Variants in FNIP2 observed in about 807,000 individuals in gnomAD.
FNIP2 encodes folliculin-interacting protein 2.
FNIP2 carries 32 observed loss-of-function variants against 108.7 expected under a neutral mutation model. The ratio of observed to expected loss-of-function variants is 0.29; its 90% CI spans 0.22 to 0.40. FNIP2 has a LOEUF of 0.40. Ranked by LOEUF, FNIP2 falls within the 10% of genes least tolerant of loss-of-function variation. The pLI is 1.00. For synonymous variants in FNIP2, 480 were observed against 496.7 expected, an observed-to-expected ratio of 0.97 and a Z score of 0.45; for missense variants, 1,202 against 1,381.6, an observed-to-expected ratio of 0.87 and a Z score of 2.06.
intron 1 of FNIP2, chr4:158,806,306 G>C (rs1292051620): frequency 4.7e-6 from 6 of 1,289,292 alleles, no homozygotes; most frequent in East Asian, 1.1e-4. Context: ...GACTCTGCCA[G>C]ATGTGTGAGT....
At chr4:158,874,118 T>C (rs960591713) in intron 14 of FNIP2, among the ~76,000 whole-genome samples, 1 of 152,210 alleles carries the variant, frequency 6.6e-6, no homozygotes, top group African/African-American at 2.4e-5. Flanking sequence ...TAATCTTAGG[T>C]AAATAAACTG....
intron 1 of FNIP2, among the ~76,000 whole-genome samples, chr4:158,774,859 C>T (rs1318310426): frequency 6.6e-6 from 1 of 152,132 alleles, no homozygotes; most frequent in Non-Finnish European, 1.5e-5. Context: ...GTTTTAAAAG[C>T]TAAAACATGT....
In FNIP2 at chr4:158,829,198, T is replaced by C; in HGVS notation, c.354T>C (p.His118=). The C allele has an allele frequency of 6.2e-7, 1 of 1,612,714 alleles. No individual in the cohort carries two copies. The change falls in exon 3 of 17, where the codon CAT becomes CAC. Residue 118 remains histidine (H), a synonymous_variant. Coordinates refer to ENST00000264433, the MANE Select transcript of FNIP2 (RefSeq NM_020840.3). ...SHSSSGGSSH[H]AKEQLPKYQY... ...GTTCTTCTGGGGGATCTTCACATCA[T>C]GCTAAGGAACAGCTTCCAAAGTACC...
chr4:158,815,272 C>T (rs1478941526), intron 1 of FNIP2, among the ~76,000 whole-genome samples: 1 of 152,152 alleles, frequency 6.6e-6, no homozygotes, highest in Non-Finnish European at 1.5e-5. Flanking sequence ...CTCCTTCTCA[C>T]TATGCTGTTT....
At chr4:158,897,437 A>C (rs1782794098) in intron 16 of FNIP2, among the ~76,000 whole-genome samples, 2 of 152,176 alleles carry the variant, frequency 1.3e-5, no homozygotes, top group African/African-American at 4.8e-5. Context: ...ACAGTGATTG[A>C]ACTAATTTAG....
intron 1 of FNIP2, chr4:158,806,479 G>A (rs1776965045): frequency 8.6e-7 from 1 of 1,157,510 alleles, no homozygotes; most frequent in African/African-American, 1.6e-5. Context: ...AATTTACTGT[G>A]TAGTAAGGAG....
At chr4:158,816,509 G>A (rs199617010) in intron 1 of FNIP2, among the ~76,000 whole-genome samples, 2 of 152,150 alleles carry the variant, frequency 1.3e-5, no homozygotes, top group African/African-American at 2.4e-5. Context: ...TCGGCCAGGC[G>A]CAGTGGCTCA....
intron 14 of FNIP2, among the ~76,000 whole-genome samples, chr4:158,874,972 A>G (rs1054210007): frequency 4.0e-5 from 6 of 151,376 alleles, no homozygotes; most frequent in Non-Finnish European, 8.8e-5. Context: ...CTGTAGTCCC[A>G]GCTACTTGGG....
chr4:158,805,413 A>C (rs1388997373), intron 1 of FNIP2, among the ~76,000 whole-genome samples: 2 of 152,246 alleles, frequency 1.3e-5, no homozygotes, highest in African/African-American at 4.8e-5. Context: ...GATGAAGAAT[A>C]TTAGTGTCAG....
At chr4:158,784,785 C>T (rs1378583077) in intron 1 of FNIP2, among the ~76,000 whole-genome samples, 5 of 152,174 alleles carry the variant, frequency 3.3e-5, no homozygotes, top group African/African-American at 9.7e-5. Flanking sequence ...CTTTGTGGCC[C>T]GGTTCCTAAC....
intron 3 of FNIP2, among the ~76,000 whole-genome samples, chr4:158,830,814 A>G (rs1201324652): frequency 1.3e-5 from 2 of 152,188 alleles, no homozygotes; most frequent in Admixed American, 1.3e-4. Flanking sequence ...CTCAGCATTC[A>G]TACCTGTCCT....
chr4:158,775,822 T>C (rs148617286), intron 1 of FNIP2, among the ~76,000 whole-genome samples: 269 of 152,360 alleles, frequency 1.8e-3, no homozygotes, highest in African/African-American at 5.6e-3. Context: ...CTTTCTGTTA[T>C]ATAAGATTTT....
chr4:158,902,189 G>A (rs557325437), intron 16 of FNIP2, among the ~76,000 whole-genome samples: 3 of 152,182 alleles, frequency 2.0e-5, no homozygotes, highest in Non-Finnish European at 2.9e-5. Context: ...CGTCCTTTTT[G>A]TTGATGTTGA....
In FNIP2 at chr4:158,891,426, C is replaced by G; in HGVS notation, c.2950-20C>G. On this transcript the variant is annotated intron_variant, in intron 14 of 16. Coordinates refer to ENST00000264433, the MANE Select transcript of FNIP2 (RefSeq NM_020840.3). ...ACTCACCTGGATAAATAAACCCATCCCTTTGTGTTTCTTTTTCAGCATCCA... is the reference window on the plus strand; with the variant it reads ...ACTCACCTGGATAAATAAACCCATCGCTTTGTGTTTCTTTTTCAGCATCCA... The G allele has an allele frequency of 6.4e-7, 1 of 1,572,320 alleles. No individual in the cohort carries two copies. Among genetic ancestry groups the G allele is most frequent in the South Asian group, 1.2e-5 (1 of 85,898 alleles).
At position 158,829,168 on chromosome 4, in the gene FNIP2, C is replaced by G; in HGVS notation, c.324C>G (p.Ser108=). The change falls in exon 3 of 17, where the codon TCC becomes TCG. Residue 108 remains serine (S), a synonymous_variant. Transcript: ENST00000264433. Reference sequence around the variant, plus strand: ...GCAGTAGCAGCAGCAGCATCTCTTCCCACAGTTCTTCTGGGGGATCTTCAC... The same window carrying G: ...GCAGTAGCAGCAGCAGCATCTCTTCGCACAGTTCTTCTGGGGGATCTTCAC... The part of the protein sequence containing the change: ...VSSSSSSSIS[S]HSSSGGSSHH... 1 of 1,613,158 alleles carries G rather than the reference C, an allele frequency of 6.2e-7. No individual in the cohort carries two copies. The highest frequency in any genetic ancestry group is 1.1e-5 in the South Asian group (1 of 90,812).
intron 7 of FNIP2, among the ~76,000 whole-genome samples, chr4:158,837,574 C>A (rs1778879735): frequency 6.6e-6 from 1 of 152,148 alleles, no homozygotes; most frequent in Non-Finnish European, 1.5e-5. Context: ...TAAATTGCTC[C>A]TGAAACTACT....
intron 8 of FNIP2, among the ~76,000 whole-genome samples, chr4:158,857,771 C>T (rs567926600): frequency 2.3e-4 from 27 of 118,184 alleles, no homozygotes; most frequent in African/African-American, 7.6e-4. Context: ...AGGGAGACTC[C>T]ATCTCTACCA....
At chr4:158,864,121 C>T (rs1461780405) in intron 12 of FNIP2, among the ~76,000 whole-genome samples, 6 of 152,166 alleles carry the variant, frequency 3.9e-5, no homozygotes, top group African/African-American at 1.2e-4. Flanking sequence ...ACAGCCCCAA[C>T]CACCCAGGCT....
chr4:158,857,619 G>A (rs1255138237), intron 8 of FNIP2, among the ~76,000 whole-genome samples: 1 of 152,040 alleles, frequency 6.6e-6, no homozygotes, highest in Admixed American at 6.6e-5. Context: ...ACATAATGAG[G>A]TTAGAATAAG....
Sources: allele counts gnomAD v4.1 joint callset (sites outside exome capture counted in the v4.1 genomes callset), GRCh38; gene constraint gnomAD v4.1.1; transcripts MANE v1.5; gene names NCBI Gene and HGNC (gene_info 2026-07-23, HGNC 2026-07-21).